The following DUSP1 variants were observed in gnomAD, a reference collection of about 807,000 sequenced individuals.
DUSP1 encodes dual specificity protein phosphatase 1.
A neutral mutation model predicts 27.4 loss-of-function variants in DUSP1; 10 were observed. That is an observed-to-expected ratio of 0.37 (90% CI 0.23 to 0.62). DUSP1 has a LOEUF of 0.62. Among genes scored for constraint, DUSP1 ranks in the 20% least tolerant of loss-of-function variants. The pLI is 0.68. For synonymous variants in DUSP1, 262 were observed against 223.6 expected (o/e 1.17, Z -1.53); for missense variants, 425 against 508.1 (o/e 0.84, Z 1.57).
Position 172,768,753 on chromosome 5 carries a change from C to G in DUSP1, c.*9G>C. The G allele has an allele frequency of 6.6e-7, 1 of 1,508,412 alleles. No homozygotes were observed. The allele number at this position is 1,508,412 out of a possible 1,614,324, so 93.4% of individuals were successfully genotyped here. On this transcript the variant is annotated 3_prime_UTR_variant, in exon 4 of 4. Transcript: ENST00000239223. ...ATGGGATGTGAAGAGCCTCACCTCC[C>G]GTGGCCTTTCAGCAGCTGGGAGAGG...
At chr5:172,770,026 G>T in intron 2 of DUSP1, 135 bp downstream of exon 2, 1 of 1,364,952 alleles carries the variant, frequency 7.3e-7, no homozygotes, top group Non-Finnish European at 9.8e-7. Flanking sequence ...CCACTTAACT[G>T]TGGAATAAAT....
chr5:172,770,852 G>A lies in DUSP1; in HGVS notation c.101C>T (p.Ala34Val), dbSNP rs1189250624. 1 of 1,530,064 alleles carries A rather than the reference G, an allele frequency of 6.5e-7. No individual in the cohort carries two copies. The highest frequency in any genetic ancestry group is 8.7e-7 in the Non-Finnish European group (1 of 1,143,522). 94.8% of individuals were successfully genotyped at this position (1,530,064 alleles called of 1,614,324 possible). A position where few individuals can be genotyped will look rare whatever the true frequency, so the allele number is the denominator to read the frequency against. ...CLLLDCRSFFAFNAGHIAGSV... is the reference protein window; with the variant it reads ...CLLLDCRSFFVFNAGHIAGSV... ...GCCGGCGATGTGGCCGGCGTTGAAA[G>A]CGAAGAAGGAGCGGCAGTCCAGCAG... is the stretch of plus-strand genomic sequence containing the variant. The change falls in exon 1 of 4, where the codon GCT (alanine) becomes GTT (valine). Residue 34 changes from alanine (A) to valine (V), a missense_variant. Ala to Val is a moderately conservative substitution (Grantham distance 64, BLOSUM62 0). Transcript: ENST00000239223.
rs972779265 is a variant in DUSP1 at position 172,770,552 on chromosome 5, G to A, written c.367+34C>T. The A allele has an allele frequency of 5.0e-5, 71 of 1,417,780 alleles. No individual in the cohort carries two copies. In the East Asian group the frequency reaches 1.9e-3, roughly 39 times the overall value. The allele number at this position is 1,417,780 out of a possible 1,614,324, so 87.8% of individuals were successfully genotyped here. On this transcript the variant is annotated intron_variant, in intron 1 of 3. Coordinates refer to ENST00000239223, the MANE Select transcript of DUSP1 (RefSeq NM_004417.4). ...GGGTACCGGGCAAAACCTCAGGGGT[G>A]TGCGGCCCGCCCCGAGCTTCCCCGA...
At chr5:172,770,371 T>A in intron 1 of DUSP1, 65 bp from the exon 2 acceptor site, 1 of 1,594,180 alleles carries the variant, frequency 6.3e-7, no homozygotes. Context: ...TTCATACAAC[T>A]CCCCCACCCA....
Position 172,771,167 on chromosome 5 carries a change from G to C in DUSP1, c.-215C>G. 1.8e-6 allele frequency: 1 copy of C among 559,278 alleles called. No individual in the cohort carries two copies. The highest frequency in any genetic ancestry group is 3.6e-5 in the East Asian group (1 of 28,108). The allele number at this position is 559,278 out of a possible 1,614,324, so 34.6% of individuals were successfully genotyped here. A position where few individuals can be genotyped will look rare whatever the true frequency, so the allele number is the denominator to read the frequency against. Reference sequence around the variant, plus strand: ...TCCCCCGACTGCCCCTCCGACCCGCGTCGCACACACAGCCCAAATGTCCTT... The same window carrying C: ...TCCCCCGACTGCCCCTCCGACCCGCCTCGCACACACAGCCCAAATGTCCTT... On this transcript the variant is annotated 5_prime_UTR_variant, in exon 1 of 4. Coordinates refer to ENST00000239223, the MANE Select transcript of DUSP1 (RefSeq NM_004417.4).
intron 3 of DUSP1, 108 bp downstream of exon 3, chr5:172,769,467 G>T: frequency 8.5e-7 from 1 of 1,182,182 alleles, no homozygotes; most frequent in South Asian, 1.3e-5. Flanking sequence ...GATACTGAAT[G>T]TGTGGAAGAA....
Position 172,770,311 on chromosome 5 carries a change from G to C in DUSP1, c.368-5C>G. ...CCGAAAACGCTTCGTATCCTCCTGG[G>C]AATACAAAGACATTTTTTTTCCCCA... On this transcript the variant is annotated splice_polypyrimidine_tract_variant and splice_region_variant and intron_variant, in intron 1 of 3. Coordinates refer to ENST00000239223, the MANE Select transcript of DUSP1 (RefSeq NM_004417.4). 1 of 1,610,522 alleles carries C rather than the reference G, an allele frequency of 6.2e-7. No individual in the cohort carries two copies.
Position 172,768,816 on chromosome 5 carries a change from C to T in DUSP1, c.1050G>A (p.Thr350=), listed in dbSNP as rs138845473. The T allele has an allele frequency of 5.1e-6, 8 of 1,572,414 alleles. No individual in the cohort carries two copies. Among genetic ancestry groups the T allele is most frequent in the Non-Finnish European group, 6.9e-6 (8 of 1,157,674 alleles). ...TCTGAAGGTAGCTCAGCGCACTGTTCGTGGAGTGGACAGGGATGGAGACGG... is the reference window on the plus strand; with the variant it reads ...TCTGAAGGTAGCTCAGCGCACTGTTTGTGGAGTGGACAGGGATGGAGACGG... ...NFPVSIPVHS[T]NSALSYLQSP... Residue 350 remains threonine (T), a synonymous_variant, in exon 4 of 4, where the codon ACG becomes ACA. Coordinates refer to ENST00000239223, the MANE Select transcript of DUSP1 (RefSeq NM_004417.4).
Position 172,770,401 on chromosome 5 carries a change from A to T in DUSP1, c.368-95T>A, listed in dbSNP as rs576667341. 64 of 1,580,028 alleles carry T rather than the reference A, an allele frequency of 4.1e-5. No homozygotes were observed. In the African/African-American group the frequency reaches 8.1e-4, roughly 20 times the overall value. On this transcript the variant is annotated intron_variant, in intron 1 of 3. Transcript: ENST00000239223. ...CACCCACCAAGGGCTGGAAGTTTACATCGGAAAGGCCCAGGCAAGTCTTTG... is the reference window on the plus strand; with the variant it reads ...CACCCACCAAGGGCTGGAAGTTTACTTCGGAAAGGCCCAGGCAAGTCTTTG...
At chr5:172,769,511 T>C (rs915477020) in intron 3 of DUSP1, 64 bp downstream of exon 3, 16 of 1,567,538 alleles carry the variant, frequency 1.0e-5, no homozygotes, top group Non-Finnish European at 2.6e-6. Context: ...GCCACAGAGG[T>C]TGGGCTTAGT....
chr5:172,768,840 G>C lies in DUSP1; in HGVS notation c.1026C>G (p.Pro342=), dbSNP rs773838496. Residue 342 remains proline (P), a synonymous_variant, in exon 4 of 4, where the codon CCC becomes CCG. Coordinates refer to ENST00000239223, the MANE Select transcript of DUSP1 (RefSeq NM_004417.4). Reference sequence around the variant, plus strand: ...TCGTGGAGTGGACAGGGATGGAGACGGGGAAGTTGAACACGGTGGTGGTGG... The same window carrying C: ...TCGTGGAGTGGACAGGGATGGAGACCGGGAAGTTGAACACGGTGGTGGTGG... ...GTSTTTVFNF[P]VSIPVHSTNS... is the part of the protein sequence containing the mutation. 2 of 1,598,076 alleles carry C rather than the reference G, an allele frequency of 1.3e-6. No homozygotes were observed. The highest frequency in any genetic ancestry group is 1.7e-6 in the Non-Finnish European group (2 of 1,171,018).
rs558848017 is a variant in DUSP1, at chr5:172,770,997, T to G, written c.-45A>C. 2.2e-6 allele frequency: 3 copies of G among 1,353,634 alleles called. No homozygotes were observed. Among genetic ancestry groups the G allele is most frequent in the Non-Finnish European group, 1.9e-6 (2 of 1,050,628 alleles). 83.9% of individuals were successfully genotyped at this position (1,353,634 alleles called of 1,614,324 possible). The stretch of plus-strand genomic sequence containing the variant: ...AGCGTGATCGGCCCTGCGGTGCTCT[T>G]TGTCTGTTCTCGGGGCCAAGGGCAG... On this transcript the variant is annotated 5_prime_UTR_variant, in exon 1 of 4. Transcript: ENST00000239223.
chr5:172,769,026 C>G lies in DUSP1; in HGVS notation c.840G>C (p.Lys280Asn), dbSNP rs767622754. 7 of 1,614,230 alleles carry G rather than the reference C, an allele frequency of 4.3e-6. No homozygotes were observed. In the South Asian group the frequency reaches 7.7e-5, roughly 18 times the overall value. The change falls in exon 4 of 4, where the codon AAG (lysine) becomes AAC (asparagine). Residue 280 changes from lysine (K) to asparagine (N), a missense_variant. Physicochemically the swap from Lys to Asn is moderately conservative, Grantham distance 94 (BLOSUM62 0). This residue lies in a region of DUSP1 where 59 missense variants were observed against 108.4 expected (regional missense o/e 0.54). Transcript: ENST00000239223. ...TCACAAACTCAAAGGCCTCGTCCAGCTTGACTCGATTAGTCCTCATAAGGT... is the reference window on the plus strand; with the variant it reads ...TCACAAACTCAAAGGCCTCGTCCAGGTTGACTCGATTAGTCCTCATAAGGT... ...LAYLMRTNRV[K>N]LDEAFEFVKQ...
Position 172,768,808 on chromosome 5 carries a change from G to C in DUSP1, c.1058C>G (p.Ala353Gly). The change falls in exon 4 of 4, where the codon GCG (alanine) becomes GGG (glycine). Residue 353 changes from alanine (A) to glycine (G), a missense_variant. Transcript: ENST00000239223. ...VSIPVHSTNS[A>G]LSYLQSPITT... ...AATGGGGCTCTGAAGGTAGCTCAGC[G>C]CACTGTTCGTGGAGTGGACAGGGAT... 6.4e-7 allele frequency: 1 copy of C among 1,554,466 alleles called. No homozygotes were observed. The highest frequency in any genetic ancestry group is 8.7e-7 in the Non-Finnish European group (1 of 1,148,272).
At position 172,768,570 on chromosome 5, in the gene DUSP1, G is replaced by A. The variant is rs374171697; in HGVS notation, c.*192C>T. 4.5e-6 allele frequency: 3 copies of A among 667,276 alleles called. No homozygotes were observed. Among genetic ancestry groups the A allele is most frequent in the African/African-American group, 1.9e-5 (1 of 53,396 alleles). 41.3% of individuals were successfully genotyped at this position (667,276 alleles called of 1,614,324 possible). On this transcript the variant is annotated 3_prime_UTR_variant, in exon 4 of 4. Transcript: ENST00000239223. ...GATGTACCCACTATATATTGGTCCC[G>A]AATGTGCTGAGTTCAGCAAATGTCT...
At chr5:172,769,896 C>T (rs1157600392) in intron 2 of DUSP1, 102 bp from the exon 3 acceptor site, 85 of 1,348,444 alleles carry the variant, frequency 6.3e-5, no homozygotes, top group Non-Finnish European at 1.8e-5. Flanking sequence ...TTTCAGATAC[C>T]GAGTGAACTC....
At chr5:172,769,524 C>G in intron 3 of DUSP1, 51 bp downstream of exon 3, 2 of 1,605,534 alleles carry the variant, frequency 1.2e-6, no homozygotes, top group Non-Finnish European at 1.7e-6. Flanking sequence ...GGCTTAGTGG[C>G]TAAAATGAGA....
chr5:172,769,805 G>T lies in DUSP1; in HGVS notation c.514-11C>A, dbSNP rs185525501. The T allele has an allele frequency of 9.6e-5, 155 of 1,612,142 alleles. 1 individual carries two copies. The African/African-American group carries it at 1.9e-3, about 19-fold the overall frequency. ...TTCCACCGGGCCACCCTGAAATCCA[G>T]AAATATCCAACATTCATCAAGCTTG... On this transcript the variant is annotated splice_polypyrimidine_tract_variant and intron_variant, in intron 2 of 3. Coordinates refer to ENST00000239223, the MANE Select transcript of DUSP1 (RefSeq NM_004417.4).
chr5:172,770,622 G>T lies in DUSP1; in HGVS notation c.331C>A (p.Arg111Ser), dbSNP rs552467759. The T allele has an allele frequency of 7.5e-6, 10 of 1,327,270 alleles. No homozygotes were observed. The East Asian group carries it at 2.1e-4, about 28-fold the overall frequency. 82.2% of individuals were successfully genotyped at this position (1,327,270 alleles called of 1,614,324 possible). ...AAGACTTGCGCGGCGCGCGCCTCGC[G>T]GCAGAGCGCGCCGGCCGCCAGGGCC... ...TLALAAGALC[R>S]EARAAQVFFL... Residue 111 changes from arginine (R) to serine (S), a missense_variant, in exon 1 of 4, where the codon CGC becomes AGC. By Grantham distance (110) the Arg-to-Ser change is moderately radical. Around this residue, in one of 3 missense-constraint regions of DUSP1, gnomAD observed 282 missense variants for 319.3 expected, o/e 0.88. Transcript: ENST00000239223.
Sources: gnomAD v4.1 joint callset for allele counts on GRCh38, gnomAD v4.1.1 for gene constraint, gnomAD v4.1.1 regional missense constraint, MANE v1.5 for transcripts, NCBI Gene and HGNC (gene_info 2026-07-23, HGNC 2026-07-21) for gene names.